The following AGFG1 variants were observed in gnomAD, a reference collection of about 807,000 sequenced individuals.
AGFG1 encodes ArfGAP with FG repeats 1.
A neutral mutation model predicts 60.6 loss-of-function variants in AGFG1; 10 were observed. That is an observed-to-expected ratio of 0.16 (90% CI 0.10 to 0.28). The LOEUF is 0.28. AGFG1 is among the 10% of genes least tolerant of loss of function. The pLI is 1.00. For missense variants in AGFG1, 537 were observed against 676.5 expected, an observed-to-expected ratio of 0.79 and a Z score of 2.29; for synonymous variants, 247 against 242.9, an observed-to-expected ratio of 1.02 and a Z score of -0.16.
At chr2:227,485,604 G>A (rs1302917737) in intron 1 of AGFG1, among the ~76,000 whole-genome samples, 1 of 151,930 alleles carries the variant, frequency 6.6e-6, no homozygotes, top group East Asian at 1.9e-4. Context: ...ATCTGTAGAT[G>A]CATGACTTTT....
chr2:227,517,394 T>C (rs899301929), intron 2 of AGFG1, among the ~76,000 whole-genome samples: 3 of 152,088 alleles, frequency 2.0e-5, no homozygotes, highest in Admixed American at 6.5e-5. Context: ...GCTTCTGGAG[T>C]AGCTGGGGTT....
At chr2:227,543,123 A>AT (rs1038188409) in intron 10 of AGFG1, among the ~76,000 whole-genome samples, 8 of 151,960 alleles carry the variant, frequency 5.3e-5, no homozygotes, top group Admixed American at 4.6e-4. Flanking sequence ...GGATTCATGG[A>AT]TTTTTTTGAG....
intron 1 of AGFG1, among the ~76,000 whole-genome samples, chr2:227,486,986 A>T (rs536963673): frequency 1.3e-5 from 2 of 152,240 alleles, no homozygotes; most frequent in Admixed American, 6.5e-5. Context: ...CAAAATGTCA[A>T]TAGTGTCAAA....
chr2:227,546,013 T>C (rs1276421397), intron 10 of AGFG1, among the ~76,000 whole-genome samples: 2 of 152,336 alleles, frequency 1.3e-5, no homozygotes, highest in Non-Finnish European at 2.9e-5. Flanking sequence ...CATTGCTCTC[T>C]ACAAAGCTGT....
intron 2 of AGFG1, among the ~76,000 whole-genome samples, chr2:227,516,997 C>T (rs1045132015): frequency 6.6e-6 from 1 of 152,046 alleles, no homozygotes; most frequent in Admixed American, 6.6e-5. Flanking sequence ...TTGGGAGAAT[C>T]ATTAGTTAGG....
At chr2:227,483,979 C>CAT (rs1268753210) in intron 1 of AGFG1, among the ~76,000 whole-genome samples, 3 of 151,992 alleles carry the variant, frequency 2.0e-5, no homozygotes, top group Non-Finnish European at 4.4e-5. Context: ...AGGTTTGTTA[C>CAT]ATATATATAC....
intron 1 of AGFG1, among the ~76,000 whole-genome samples, chr2:227,473,794 T>A (rs1479374758): frequency 6.6e-6 from 1 of 152,222 alleles, no homozygotes; most frequent in African/African-American, 2.4e-5. Context: ...TAGTATGTAC[T>A]ATTTGCTTTT....
intron 1 of AGFG1, among the ~76,000 whole-genome samples, chr2:227,481,478 A>G (rs1559165472): frequency 6.6e-6 from 1 of 152,144 alleles, no homozygotes; most frequent in Non-Finnish European, 1.5e-5. Flanking sequence ...CCTTCAGTAA[A>G]TCTTGATATG....
intron 6 of AGFG1, among the ~76,000 whole-genome samples, chr2:227,532,669 C>T (rs1246877332): frequency 1.3e-5 from 2 of 151,920 alleles, no homozygotes; most frequent in Non-Finnish European, 2.9e-5. Flanking sequence ...GTTGTCTTTT[C>T]TATCACTTTA....
chr2:227,474,591 A>G (rs1690226045), intron 1 of AGFG1, among the ~76,000 whole-genome samples: 1 of 152,210 alleles, frequency 6.6e-6, no homozygotes, highest in African/African-American at 2.4e-5. Flanking sequence ...CTGTGTCATA[A>G]GTTACCTGGA....
intron 5 of AGFG1, among the ~76,000 whole-genome samples, chr2:227,525,271 CAT>C (rs796407589): frequency 5.3e-5 from 8 of 152,256 alleles, no homozygotes; most frequent in African/African-American, 1.9e-4. Flanking sequence ...CAGTCACTGT[CAT>C]ATTATTTTGA....
In AGFG1 at chr2:227,558,896, C is replaced by G. The variant is rs546474025; in HGVS notation, c.*4401C>G. On this transcript the variant is annotated 3_prime_UTR_variant, in exon 13 of 13. Coordinates refer to ENST00000310078, the MANE Select transcript of AGFG1 (RefSeq NM_004504.5). ...AAGCCTTGGCAAACCAGCTTCAGCA[C>G]AGCAAAGGACATACAATTCCACAAC... The G allele has an allele frequency of 2.0e-5, 3 of 152,332 alleles. No homozygotes were observed. The South Asian group carries it at 6.2e-4, about 32-fold the overall frequency. The allele number at this position is 152,332 out of a possible 1,614,324, so 9.4% of individuals were successfully genotyped here.
intron 1 of AGFG1, among the ~76,000 whole-genome samples, chr2:227,484,731 T>C (rs1424272660): frequency 8.1e-6 from 1 of 123,680 alleles, no homozygotes; most frequent in Admixed American, 9.6e-5. Flanking sequence ...TGAGATGGAG[T>C]CTCACTCTGT....
At chr2:227,475,612 A>C (rs975723203) in intron 1 of AGFG1, among the ~76,000 whole-genome samples, 3 of 152,196 alleles carry the variant, frequency 2.0e-5, no homozygotes, top group Non-Finnish European at 4.4e-5. Context: ...GTATAATTGA[A>C]AGAATATGAA....
At chr2:227,491,441 C>T (rs1282863212) in intron 1 of AGFG1, 106 bp from the exon 2 acceptor site, 1 of 655,006 alleles carries the variant, frequency 1.5e-6, no homozygotes, top group Non-Finnish European at 2.6e-6. Flanking sequence ...AATGAAAACA[C>T]TGTTTCAAGT....
chr2:227,490,047 C>T (rs1322872147), intron 1 of AGFG1, among the ~76,000 whole-genome samples: 1 of 152,070 alleles, frequency 6.6e-6, no homozygotes, highest in African/African-American at 2.4e-5. Context: ...AACTCCTGAC[C>T]TCAGGTGAGC....
chr2:227,509,611 T>G (rs1691436760), intron 2 of AGFG1, among the ~76,000 whole-genome samples: 1 of 152,138 alleles, frequency 6.6e-6, no homozygotes. Flanking sequence ...AAAAAATTAT[T>G]TTTCTCAAGA....
Position 227,535,041 on chromosome 2 carries a change from T to C in AGFG1, c.1205+16T>C, listed in dbSNP as rs1393588542. Reference sequence around the variant, plus strand: ...ATGCTAGCAGGTACCTTGTCTTAGCTAGCCCTCCTGCTTTGTGTTTTATCT... The same window carrying C: ...ATGCTAGCAGGTACCTTGTCTTAGCCAGCCCTCCTGCTTTGTGTTTTATCT... On this transcript the variant is annotated intron_variant, in intron 8 of 12. Coordinates refer to ENST00000310078, the MANE Select transcript of AGFG1 (RefSeq NM_004504.5). The C allele has an allele frequency of 3.8e-6, 6 of 1,570,660 alleles. No homozygotes were observed. Among genetic ancestry groups the C allele is most frequent in the Non-Finnish European group, 5.2e-6 (6 of 1,155,302 alleles).
In AGFG1 at chr2:227,519,188, G is replaced by A. The variant is rs577116211; in HGVS notation, c.262-760G>A. 2.6e-5 allele frequency among the ~76,000 whole-genome samples: 4 copies of A among 152,162 alleles called. No homozygotes were observed. The East Asian group carries it at 7.7e-4, about 29-fold the overall frequency. ...CTCAAACAAACAAAAACCAAAACAA[G>A]TGTTGGGTTATCTGTCTTTTATAAT... On this transcript the variant is annotated intron_variant, in intron 2 of 12. Coordinates refer to ENST00000310078, the MANE Select transcript of AGFG1 (RefSeq NM_004504.5).
Sources: allele counts gnomAD v4.1 joint callset (sites outside exome capture counted in the v4.1 genomes callset), GRCh38; gene constraint gnomAD v4.1.1; transcripts MANE v1.5; gene names NCBI Gene and HGNC (gene_info 2026-07-23, HGNC 2026-07-21).